Variants in C1orf56 observed in about 807,000 individuals in gnomAD.
C1orf56 encodes protein MENT.
In C1orf56, 14 loss-of-function variants were observed where a neutral mutation model predicts 20.7. The ratio of observed to expected loss-of-function variants is 0.68; its 90% CI spans 0.45 to 1.06. The LOEUF is 1.06. Among genes scored for constraint, C1orf56 ranks in the 50% least tolerant of loss-of-function variants. The pLI, the probability that C1orf56 is intolerant of heterozygous loss-of-function variation, is 0.00. For missense variants in C1orf56, 424 were observed against 451.4 expected (o/e 0.94, Z 0.55); for synonymous variants, 187 against 194.7 (o/e 0.96, Z 0.33).
chr1:151,050,196 T>G (rs587696206), intron 1 of C1orf56, among the ~76,000 whole-genome samples: 1 of 152,238 alleles, frequency 6.6e-6, no homozygotes, highest in African/African-American at 2.4e-5. Flanking sequence ...GTAGTCTCAA[T>G]TGATACGGAT....
In C1orf56 at chr1:151,048,192, C is replaced by T. The variant is rs755142918; in HGVS notation, c.345C>T (p.Ala115=). ...CAGAAGAGGGGGTTGTGATTAATGC[C>T]GGAAAGGATAGCACCAGCAGAGAGC... ...GSSEEGVVIN[A]GKDSTSRELP... is the part of the protein sequence containing the mutation. The change falls in exon 1 of 2, where the codon GCC becomes GCT. Residue 115 remains alanine (A), a synonymous_variant. Transcript: ENST00000368926. The surrounding 1 kb of genome is among the most constrained non-coding windows in gnomAD (Gnocchi z 4.8). 6.2e-6 allele frequency: 10 copies of T among 1,614,198 alleles called. No homozygotes were observed. In the Middle Eastern group the frequency reaches 6.6e-4, roughly 107 times the overall value.
In C1orf56 at chr1:151,048,857, GTGTTTGGTGA is replaced by G; in HGVS notation, c.1005+8_1005+17del. ...GTGTTCACAGAGATGCAACCAGTAA[GTGTTTGGTGA>G]TGAGCCAGGGTCTTTGTTGACGGAT... On this transcript the variant is annotated splice_donor_region_variant and intron_variant, in intron 1 of 1. Coordinates refer to ENST00000368926, the MANE Select transcript of C1orf56 (RefSeq NM_017860.5). The surrounding 1 kb of genome is among the most constrained non-coding windows in gnomAD (Gnocchi z 4.8). The G allele has an allele frequency of 6.5e-7, 1 of 1,534,474 alleles. No individual in the cohort carries two copies. Among genetic ancestry groups the G allele is most frequent in the Non-Finnish European group, 8.8e-7 (1 of 1,139,560 alleles).
At position 151,047,798 on chromosome 1, in the gene C1orf56, G is replaced by A; in HGVS notation, c.-50G>A. The A allele has an allele frequency of 2.7e-6, 4 of 1,472,832 alleles. No homozygotes were observed. Among genetic ancestry groups the A allele is most frequent in the South Asian group, 2.8e-5 (2 of 71,178 alleles). The allele number at this position is 1,472,832 out of a possible 1,614,324, so 91.2% of individuals were successfully genotyped here. On this transcript the variant is annotated 5_prime_UTR_variant, in exon 1 of 2. Coordinates refer to ENST00000368926, the MANE Select transcript of C1orf56 (RefSeq NM_017860.5). ...CGGAAGGGAGGGAGCGAAGGTAGGAGGCAGGGCTTGCCTCACTGGCCACCC... is the reference window on the plus strand; with the variant it reads ...CGGAAGGGAGGGAGCGAAGGTAGGAAGCAGGGCTTGCCTCACTGGCCACCC...
rs759410171 is a variant in C1orf56, at chr1:151,050,509, C to CT, written c.*54dup. ...TGTCAGTATCTCAACCTCTCTTGCC[C>CT]TTTCAATCCTAGCACCCACTAGATA... On this transcript the variant is annotated 3_prime_UTR_variant, in exon 2 of 2. Transcript: ENST00000368926. The CT allele has an allele frequency of 1.3e-6, 2 of 1,545,750 alleles. No individual in the cohort carries two copies. The highest frequency in any genetic ancestry group is 4.5e-5 in the East Asian group (2 of 44,248).
At position 151,048,253 on chromosome 1, in the gene C1orf56, A is replaced by C. The variant is rs776103203; in HGVS notation, c.406A>C (p.Ser136Arg). 82 of 1,614,110 alleles carry C rather than the reference A, an allele frequency of 5.1e-5. 1 individual carries two copies. Among genetic ancestry groups the C allele is most frequent in the Non-Finnish European group, 6.9e-5 (81 of 1,180,050 alleles). ...GACTCCCAATACAGCGGGGAGTTCC[A>C]GCACGAGGTTTATAGCCAATAGTCA... Reference protein sequence around the residue: ...SATPNTAGSSSTRFIANSQEP... With the variant: ...SATPNTAGSSRTRFIANSQEP... The change falls in exon 1 of 2, where the codon AGC becomes CGC. Residue 136 changes from serine (S) to arginine (R), a missense_variant. Coordinates refer to ENST00000368926, the MANE Select transcript of C1orf56 (RefSeq NM_017860.5). The surrounding 1 kb of genome is among the most constrained non-coding windows in gnomAD (Gnocchi z 4.8).
Position 151,048,822 on chromosome 1 carries a change from CCT to C in C1orf56, c.980_981del (p.Ser327PhefsTer22), listed in dbSNP as rs756289094. The C allele has an allele frequency of 2.3e-5, 36 of 1,587,060 alleles. No homozygotes were observed. The East Asian group carries it at 7.8e-4, about 34-fold the overall frequency. On this transcript the variant is annotated frameshift_variant, in exon 1 of 2. Coordinates refer to ENST00000368926, the MANE Select transcript of C1orf56 (RefSeq NM_017860.5). LOFTEE classifies it high-confidence loss of function. The surrounding 1 kb of genome is among the most constrained non-coding windows in gnomAD (Gnocchi z 4.8). The part of the protein sequence containing the change: ...RIGLEDIWNS[L>X]SSVFTEMQPI... The stretch of plus-strand genomic sequence containing the variant: ...TTGGCCTGGAGGATATTTGGAATAG[CCT>C]CTCTTCAGTGTTCACAGAGATGCAA...
Position 151,049,373 on chromosome 1 carries a change from T to G in C1orf56, c.1005+521T>G, listed in dbSNP as rs751796004. 2.0e-5 allele frequency among the ~76,000 whole-genome samples: 3 copies of G among 151,600 alleles called. No homozygotes were observed. The South Asian group carries it at 6.3e-4, about 32-fold the overall frequency. On this transcript the variant is annotated intron_variant, in intron 1 of 1. Transcript: ENST00000368926. ...CTCAAGTGATCCACCCGCCTCGGCC[T>G]CCCAAAGTGCTGGGATTATAGGCAT...
rs1259723529 is a variant in C1orf56, at chr1:151,050,542, T to C, written c.*84T>C. 2 of 1,376,476 alleles carry C rather than the reference T, an allele frequency of 1.5e-6. No homozygotes were observed. The highest frequency in any genetic ancestry group is 4.7e-5 in the East Asian group (2 of 42,242). The allele number at this position is 1,376,476 out of a possible 1,614,324, so 85.3% of individuals were successfully genotyped here. Reference sequence around the variant, plus strand: ...CCTAGCACCCACTAGATATTTTTAGTACAGAAAAACAAAACTGGAAAACAC... The same window carrying C: ...CCTAGCACCCACTAGATATTTTTAGCACAGAAAAACAAAACTGGAAAACAC... On this transcript the variant is annotated 3_prime_UTR_variant, in exon 2 of 2. Transcript: ENST00000368926.
In C1orf56 at chr1:151,048,879, C is replaced by G. The variant is rs1676118486; in HGVS notation, c.1005+27C>G. Reference sequence around the variant, plus strand: ...TAAGTGTTTGGTGATGAGCCAGGGTCTTTGTTGACGGATCTGAAAAGTCCT... The same window carrying G: ...TAAGTGTTTGGTGATGAGCCAGGGTGTTTGTTGACGGATCTGAAAAGTCCT... On this transcript the variant is annotated intron_variant, in intron 1 of 1. Transcript: ENST00000368926. The surrounding 1 kb of genome is among the most constrained non-coding windows in gnomAD (Gnocchi z 4.8). 1 of 1,517,826 alleles carries G rather than the reference C, an allele frequency of 6.6e-7. No homozygotes were observed. The highest frequency in any genetic ancestry group is 1.4e-5 in the African/African-American group (1 of 71,838). The allele number at this position is 1,517,826 out of a possible 1,614,324, so 94.0% of individuals were successfully genotyped here.
rs781009141 is a variant in C1orf56, at chr1:151,047,832, C to G, written c.-16C>G. 1.2e-5 allele frequency: 19 copies of G among 1,534,130 alleles called. No individual in the cohort carries two copies. Among genetic ancestry groups the G allele is most frequent in the Non-Finnish European group, 1.7e-5 (19 of 1,146,384 alleles). On this transcript the variant is annotated 5_prime_UTR_variant, in exon 1 of 2. Coordinates refer to ENST00000368926, the MANE Select transcript of C1orf56 (RefSeq NM_017860.5). The stretch of plus-strand genomic sequence containing the variant: ...TGCCTCACTGGCCACCCTCCCAACC[C>G]CAAGAGCCCAGCCCCATGGTCCCCG...
intron 1 of C1orf56, among the ~76,000 whole-genome samples, chr1:151,049,427 TCTGTTTTTTTCA>T (rs1676131584): frequency 6.6e-6 from 1 of 151,422 alleles, no homozygotes; most frequent in Non-Finnish European, 1.5e-5. Flanking sequence ...TTGGAAATTC[TCTGTTTTTTTCA>T]CAGACAAGAT....
chr1:151,049,605 T>C (rs1040642272), intron 1 of C1orf56: 2 of 150,832 alleles, frequency 1.3e-5, no homozygotes, highest in African/African-American at 4.9e-5. Context: ...CAGGCTGGAG[T>C]GTGGTGGCGC....
At position 151,051,144 on chromosome 1, in the gene C1orf56, T is replaced by G. The variant is rs1189178320; in HGVS notation, c.*686T>G. 1 of 152,042 alleles carries G rather than the reference T, an allele frequency of 6.6e-6. No homozygotes were observed. Among genetic ancestry groups the G allele is most frequent in the Non-Finnish European group, 1.5e-5 (1 of 68,018 alleles). The allele number at this position is 152,042 out of a possible 1,614,324, so 9.4% of individuals were successfully genotyped here. On this transcript the variant is annotated 3_prime_UTR_variant, in exon 2 of 2. Coordinates refer to ENST00000368926, the MANE Select transcript of C1orf56 (RefSeq NM_017860.5). The stretch of plus-strand genomic sequence containing the variant: ...CAAGAGAGCACCAAAGGAAAAAGAC[T>G]GTCCAAAGAACAGGTATTAGAATGA...
In C1orf56 at chr1:151,048,298, A is replaced by G; in HGVS notation, c.451A>G (p.Thr151Ala). The G allele has an allele frequency of 6.2e-7, 1 of 1,614,170 alleles. No homozygotes were observed. Among genetic ancestry groups the G allele is most frequent in the Non-Finnish European group, 8.5e-7 (1 of 1,180,024 alleles). ...ANSQEPEIRL[T>A]SSLPRSPGRS... The stretch of plus-strand genomic sequence containing the variant: ...TAGTCAGGAGCCTGAAATCAGGCTG[A>G]CTTCAAGCCTGCCGCGCTCCCCCGG... Residue 151 changes from threonine (T) to alanine (A), a missense_variant, in exon 1 of 2, where the codon ACT becomes GCT. Coordinates refer to ENST00000368926, the MANE Select transcript of C1orf56 (RefSeq NM_017860.5). The surrounding 1 kb of genome is among the most constrained non-coding windows in gnomAD (Gnocchi z 4.8).
In C1orf56 at chr1:151,048,228, G is replaced by C. The variant is rs1223357234; in HGVS notation, c.381G>C (p.Ala127=). 2 of 1,614,206 alleles carry C rather than the reference G, an allele frequency of 1.2e-6. No homozygotes were observed. The highest frequency in any genetic ancestry group is 1.7e-6 in the Non-Finnish European group (2 of 1,180,032). The change falls in exon 1 of 2, where the codon GCG becomes GCC. Residue 127 remains alanine (A), a synonymous_variant. Coordinates refer to ENST00000368926, the MANE Select transcript of C1orf56 (RefSeq NM_017860.5). The surrounding 1 kb of genome is among the most constrained non-coding windows in gnomAD (Gnocchi z 4.8). ...GCACCAGCAGAGAGCTTCCCAGTGC[G>C]ACTCCCAATACAGCGGGGAGTTCCA... ...KDSTSRELPS[A]TPNTAGSSST... is the part of the protein sequence containing the mutation.
At position 151,050,825 on chromosome 1, in the gene C1orf56, A is replaced by C. The variant is rs1442931427; in HGVS notation, c.*367A>C. ...GGAAGAACAAGGAGTTGAGCCCTTGAAAGATGACAGTGGTCTTCTTGCCTT... is the reference window on the plus strand; with the variant it reads ...GGAAGAACAAGGAGTTGAGCCCTTGCAAGATGACAGTGGTCTTCTTGCCTT... On this transcript the variant is annotated 3_prime_UTR_variant, in exon 2 of 2. Transcript: ENST00000368926. 5.3e-6 allele frequency: 1 copy of C among 188,116 alleles called. No individual in the cohort carries two copies. Among genetic ancestry groups the C allele is most frequent in the African/African-American group, 2.3e-5 (1 of 42,694 alleles). 11.7% of individuals were successfully genotyped at this position (188,116 alleles called of 1,614,324 possible).
Position 151,047,887 on chromosome 1 carries a change from C to T in C1orf56, c.40C>T (p.Leu14=), listed in dbSNP as rs759547377. The part of the protein sequence containing the change: ...AAGALLWVLL[L]NLGPRAAGAQ... The stretch of plus-strand genomic sequence containing the variant: ...CGGCGCGCTGCTGTGGGTCCTGCTG[C>T]TGAATCTGGGTCCCCGGGCGGCGGG... The change falls in exon 1 of 2, where the codon CTG becomes TTG. Residue 14 remains leucine, a synonymous_variant. Coordinates refer to ENST00000368926, the MANE Select transcript of C1orf56 (RefSeq NM_017860.5). 16 of 1,604,498 alleles carry T rather than the reference C, an allele frequency of 1.0e-5. No homozygotes were observed. Among genetic ancestry groups the T allele is most frequent in the Non-Finnish European group, 1.3e-5 (15 of 1,175,708 alleles).
In C1orf56 at chr1:151,048,376, A is replaced by G; in HGVS notation, c.529A>G (p.Thr177Ala). 1 of 1,613,184 alleles carries G rather than the reference A, an allele frequency of 6.2e-7. No individual in the cohort carries two copies. The highest frequency in any genetic ancestry group is 8.5e-7 in the Non-Finnish European group (1 of 1,179,944). The change falls in exon 1 of 2, where the codon ACA becomes GCA. Residue 177 changes from threonine to alanine, a missense_variant. Thr to Ala is a moderately conservative substitution (Grantham distance 58). Transcript: ENST00000368926. This position sits in a 1 kb window ranked among gnomAD's most constrained non-coding sequence, Gnocchi z 4.8. ...GCAGGCCACCCTGAGCCAGTGGTCC[A>G]CACCTGGGTCTACCCCGAGCCGGTG... Reference protein sequence around the residue: ...GSQATLSQWSTPGSTPSRWPS... With the variant: ...GSQATLSQWSAPGSTPSRWPS...
Position 151,047,788 on chromosome 1 carries a change from G to A in C1orf56, c.-60G>A, listed in dbSNP as rs1349035229. ...GGGTCTACAGCGGAAGGGAGGGAGC[G>A]AAGGTAGGAGGCAGGGCTTGCCTCA... On this transcript the variant is annotated 5_prime_UTR_variant, in exon 1 of 2. Transcript: ENST00000368926. 2.8e-6 allele frequency: 4 copies of A among 1,453,956 alleles called. No individual in the cohort carries two copies. The African/African-American group carries it at 4.3e-5, about 16-fold the overall frequency. 90.1% of individuals were successfully genotyped at this position (1,453,956 alleles called of 1,614,324 possible). A position where few individuals can be genotyped will look rare whatever the true frequency, so the allele number is the denominator to read the frequency against.
Sources: allele counts gnomAD v4.1 joint callset (sites outside exome capture counted in the v4.1 genomes callset), GRCh38; gene constraint gnomAD v4.1.1; non-coding constraint Gnocchi (gnomAD v3.1); transcripts MANE v1.5; gene names NCBI Gene and HGNC (gene_info 2026-07-23, HGNC 2026-07-21).